DOK6: variants seen among roughly 807,000 people sequenced by gnomAD.
DOK6 encodes docking protein 6.
Under a neutral mutation model 44.0 loss-of-function variants are expected in DOK6, and 22 were observed. That is an observed-to-expected ratio of 0.50 (90% CI 0.36 to 0.71). The LOEUF (loss-of-function observed/expected upper bound fraction) is 0.71, where lower values mean the gene tolerates loss of function less well. Among genes scored for constraint, DOK6 ranks in the 30% least tolerant of loss-of-function variants. DOK6 has a pLI of 0.00. For synonymous variants in DOK6, 166 were observed against 145.5 expected, an observed-to-expected ratio of 1.14 and a Z score of -1.01; for missense variants, 340 against 416.4, an observed-to-expected ratio of 0.82 and a Z score of 1.60.
At chr18:69,841,095 T>G in intron 7 of DOK6, 149 bp from the exon 8 acceptor site, 1 of 950,948 alleles carries the variant, frequency 1.1e-6, no homozygotes, top group Non-Finnish European at 1.5e-6. Context: ...CCAACTTATC[T>G]TGAGCTCAAT....
chr18:69,737,494 G>A (rs1441771524), intron 5 of DOK6, among the ~76,000 whole-genome samples: 1 of 152,092 alleles, frequency 6.6e-6, no homozygotes, highest in East Asian at 1.9e-4. Context: ...TTACAATTTG[G>A]GATGAGATTT....
intron 4 of DOK6, among the ~76,000 whole-genome samples, chr18:69,689,178 G>C (rs1986213176): frequency 6.6e-6 from 1 of 152,206 alleles, no homozygotes; most frequent in African/African-American, 2.4e-5. Context: ...AATCAGATCA[G>C]TGGTGGTTCT....
chr18:69,808,995 C>T (rs923556216), intron 7 of DOK6, among the ~76,000 whole-genome samples: 3 of 151,570 alleles, frequency 2.0e-5, no homozygotes, highest in African/African-American at 2.4e-5. Context: ...ACAAGTAAAT[C>T]ACAAGCCCTT....
chr18:69,602,247 T>G (rs943144150), intron 3 of DOK6, among the ~76,000 whole-genome samples: 1 of 152,164 alleles, frequency 6.6e-6, no homozygotes, highest in African/African-American at 2.4e-5. Flanking sequence ...AGATCAACAA[T>G]GATAAATCAT....
intron 1 of DOK6, among the ~76,000 whole-genome samples, chr18:69,554,581 C>T (rs1210257101): frequency 6.6e-6 from 1 of 152,114 alleles, no homozygotes; most frequent in Non-Finnish European, 1.5e-5. Flanking sequence ...GCATTTGAGA[C>T]TTATGTGAAT....
chr18:69,681,750 T>C (rs1028888332), intron 4 of DOK6, among the ~76,000 whole-genome samples: 1 of 152,204 alleles, frequency 6.6e-6, no homozygotes, highest in African/African-American at 2.4e-5. Context: ...TTATAAAGGA[T>C]TCACAACACA....
chr18:69,824,869 G>A (rs771662573), intron 7 of DOK6, among the ~76,000 whole-genome samples: 1 of 152,178 alleles, frequency 6.6e-6, no homozygotes, highest in Non-Finnish European at 1.5e-5. Flanking sequence ...CATATCCAGG[G>A]TATGATTCTT....
At chr18:69,483,485 G>A (rs1980487900) in intron 1 of DOK6, 1 of 152,012 alleles carries the variant, frequency 6.6e-6, no homozygotes, top group Non-Finnish European at 1.5e-5. Flanking sequence ...TGACTCTCTT[G>A]AAAGCTGTTT....
intron 2 of DOK6, among the ~76,000 whole-genome samples, chr18:69,589,187 T>C (rs1419621808): frequency 6.6e-6 from 1 of 152,120 alleles, no homozygotes; most frequent in Non-Finnish European, 1.5e-5. Flanking sequence ...TTATGAAAGC[T>C]TAGGATTCAA....
At chr18:69,538,394 C>T (rs1982177921) in intron 1 of DOK6, among the ~76,000 whole-genome samples, 1 of 150,122 alleles carries the variant, frequency 6.7e-6, no homozygotes, top group Non-Finnish European at 1.5e-5. Flanking sequence ...CTTTTTTTTT[C>T]CCCTCTGAGA....
intron 3 of DOK6, among the ~76,000 whole-genome samples, chr18:69,668,344 TCTACCTTACATAC>T (rs1985710963): frequency 6.6e-6 from 1 of 152,226 alleles, no homozygotes; most frequent in South Asian, 2.1e-4. Context: ...TTGATGCTAT[TCTACCTTACATAC>T]CTTGTACTTT....
chr18:69,743,486 T>C (rs1438213207), intron 6 of DOK6, among the ~76,000 whole-genome samples: 1 of 152,244 alleles, frequency 6.6e-6, no homozygotes, highest in Non-Finnish European at 1.5e-5. Flanking sequence ...GAAATCATCA[T>C]GGACACGGCC....
Position 69,606,414 on chromosome 18 carries a change from T to C in DOK6, c.289+6916T>C, listed in dbSNP as rs568382663. 2.6e-5 allele frequency among the ~76,000 whole-genome samples: 4 copies of C among 152,130 alleles called. No individual in the cohort carries two copies. In the South Asian group the frequency reaches 8.3e-4, roughly 32 times the overall value. ...AAAGGAACAAACTTCAACAGAATAA[T>C]GGCCACTTATGAAAAGCCCACAGCT... is the stretch of plus-strand genomic sequence containing the variant. On this transcript the variant is annotated intron_variant, in intron 3 of 7. Coordinates refer to ENST00000382713, the MANE Select transcript of DOK6 (RefSeq NM_152721.6).
Position 69,758,877 on chromosome 18 carries a change from C to T in DOK6, c.856+1004C>T, listed in dbSNP as rs184271813. Among the ~76,000 whole-genome samples, 4 of 147,276 alleles carry T rather than the reference C, an allele frequency of 2.7e-5. No individual in the cohort carries two copies. The East Asian group carries it at 8.2e-4, about 30-fold the overall frequency. On this transcript the variant is annotated intron_variant, in intron 7 of 7. Transcript: ENST00000382713. ...TAAGTTTTGACAAAAAGAAATATTT[C>T]CGTTGCAAGCAAACTGAAGTAATGT...
chr18:69,731,729 T>C (rs1021042519), intron 5 of DOK6, among the ~76,000 whole-genome samples: 6 of 152,214 alleles, frequency 3.9e-5, no homozygotes, highest in African/African-American at 1.4e-4. Flanking sequence ...AACTCTTCTC[T>C]AATGCAGAGA....
intron 1 of DOK6, among the ~76,000 whole-genome samples, chr18:69,518,094 A>G (rs149925096): frequency 3.4e-4 from 52 of 152,246 alleles, no homozygotes; most frequent in African/African-American, 1.2e-3. Context: ...TCATTATTAC[A>G]TGTCATAAAT....
chr18:69,446,462 G>T (rs1979295936), intron 1 of DOK6, among the ~76,000 whole-genome samples: 1 of 151,802 alleles, frequency 6.6e-6, no homozygotes, highest in Non-Finnish European at 1.5e-5. Context: ...ATCATTTTTG[G>T]ACATTTGGGT....
chr18:69,793,355 C>T (rs1790581), intron 7 of DOK6, among the ~76,000 whole-genome samples: 140,951 of 152,204 alleles, frequency 0.93, 66,198 homozygotes, highest in East Asian at 1. Context: ...CTCCAAGGAA[C>T]TTGTGTCCAA....
chr18:69,672,707 A>AAGG (rs1555722144), intron 3 of DOK6, among the ~76,000 whole-genome samples: 5 of 73,712 alleles, frequency 6.8e-5, no homozygotes, highest in South Asian at 4.3e-4. Context: ...AAAAAAAAAA[A>AAGG]GGGGGGGGTG....
Sources: gnomAD v4.1 joint callset for allele counts (sites outside exome capture counted in the v4.1 genomes callset) on GRCh38, gnomAD v4.1.1 for gene constraint, MANE v1.5 for transcripts, NCBI Gene and HGNC (gene_info 2026-07-23, HGNC 2026-07-21) for gene names.